Variants in PLCB1 observed in about 807,000 individuals in gnomAD.
PLCB1 encodes phospholipase C beta 1.
In PLCB1, 46 loss-of-function variants were observed where a neutral mutation model predicts 161.8. That is an observed-to-expected ratio of 0.28 (90% CI 0.22 to 0.36). The LOEUF (loss-of-function observed/expected upper bound fraction) is 0.36. PLCB1 is among the 10% of genes least tolerant of loss of function. PLCB1 has a pLI of 1.00. For synonymous variants in PLCB1, 517 were observed against 503.7 expected (o/e 1.03, Z -0.35); for missense variants, 1,016 against 1,472.5 (o/e 0.69, Z 5.07).
intron 7 of PLCB1, among the ~76,000 whole-genome samples, chr20:8,654,181 T>G (rs1989391394): frequency 6.6e-6 from 1 of 152,018 alleles, no homozygotes; most frequent in Non-Finnish European, 1.5e-5. Flanking sequence ...CCTTTTGAGA[T>G]TCCTTGTATA....
intron 3 of PLCB1, among the ~76,000 whole-genome samples, chr20:8,600,326 C>A (rs1307759675): frequency 1.0e-5 from 1 of 98,264 alleles, no homozygotes; most frequent in Non-Finnish European, 2.2e-5. Context: ...ACAGACAGGA[C>A]CCTCAGCTAC....
At chr20:8,850,910 T>C (rs1162842966) in intron 31 of PLCB1, among the ~76,000 whole-genome samples, 3 of 152,244 alleles carry the variant, frequency 2.0e-5, no homozygotes, top group Admixed American at 2.0e-4. Flanking sequence ...CTGATGCTCC[T>C]ATTCCAACCA....
chr20:8,397,374 G>A (rs936952266), intron 3 of PLCB1, among the ~76,000 whole-genome samples: 15 of 151,808 alleles, frequency 9.9e-5, no homozygotes, highest in South Asian at 4.2e-4. Flanking sequence ...TTATAGTTAC[G>A]TTCAGTTTTA....
intron 3 of PLCB1, among the ~76,000 whole-genome samples, chr20:8,417,048 C>CATAT (rs1568667905): frequency 2.3e-4 from 13 of 55,800 alleles, no homozygotes; most frequent in African/African-American, 8.1e-4. Flanking sequence ...CACACACACA[C>CATAT]ACACACATAT....
intron 2 of PLCB1, among the ~76,000 whole-genome samples, chr20:8,198,935 C>G (rs769706492): frequency 7.9e-5 from 12 of 151,208 alleles, no homozygotes; most frequent in African/African-American, 1.5e-4. Flanking sequence ...AAGACACACA[C>G]ACAGACAGAC....
chr20:8,784,550 G>A (rs1385464960), intron 27 of PLCB1, among the ~76,000 whole-genome samples: 7 of 115,184 alleles, frequency 6.1e-5, no homozygotes, highest in African/African-American at 1.6e-4. Flanking sequence ...GCAATAGAGC[G>A]ACACTGTATC....
At chr20:8,284,102 G>A (rs6516366) in intron 2 of PLCB1, among the ~76,000 whole-genome samples, 11,209 of 151,680 alleles carry the variant, frequency 0.074, 511 homozygotes, top group East Asian at 0.19. Flanking sequence ...AATTTAATAA[G>A]GGATTGAAAG....
rs747192374 is a variant in PLCB1 at position 8,708,744 on chromosome 20, T to C, written c.1242T>C (p.His414=). 31 of 1,605,692 alleles carry C rather than the reference T, an allele frequency of 1.9e-5. No homozygotes were observed. The Admixed American group carries it at 5.0e-4, about 26-fold the overall frequency. ...PFPILLSFEN[H]VDSPKQQAKM... is the part of the protein sequence containing the mutation. ...CAATTCTCCTTTCGTTTGAGAACCA[T>C]GTGGATTCGTAAGTATTCAACACAT... Residue 414 remains histidine (H), a synonymous_variant, in exon 12 of 32, where the codon CAT becomes CAC. Transcript: ENST00000338037.
At chr20:8,613,369 C>A (rs1273491611) in intron 3 of PLCB1, among the ~76,000 whole-genome samples, 2 of 152,142 alleles carry the variant, frequency 1.3e-5, no homozygotes, top group Non-Finnish European at 2.9e-5. Flanking sequence ...ATGAGTTTAA[C>A]AATGGACAAC....
chr20:8,148,799 G>A (rs916957860), intron 1 of PLCB1, among the ~76,000 whole-genome samples: 5 of 152,128 alleles, frequency 3.3e-5, no homozygotes, highest in Admixed American at 2.0e-4. Context: ...AACACAAAAG[G>A]ACAAATATTA....
intron 9 of PLCB1, among the ~76,000 whole-genome samples, chr20:8,669,799 T>G (rs1467120725): frequency 1.3e-5 from 2 of 152,198 alleles, no homozygotes; most frequent in African/African-American, 4.8e-5. Context: ...TTTAAGTAGC[T>G]CATCAGAAAG....
chr20:8,710,529 T>TC (rs1978949250), intron 12 of PLCB1, among the ~76,000 whole-genome samples: 2 of 142,224 alleles, frequency 1.4e-5, no homozygotes, highest in African/African-American at 2.6e-5. Flanking sequence ...TTTTTTTTTT[T>TC]CTGAAGCGGA....
chr20:8,873,847 T>C (rs1324294504), intron 31 of PLCB1, among the ~76,000 whole-genome samples: 1 of 152,062 alleles, frequency 6.6e-6, no homozygotes, highest in Non-Finnish European at 1.5e-5. Context: ...GTTTTTGCTG[T>C]TTCTTGGCTT....
intron 3 of PLCB1, among the ~76,000 whole-genome samples, chr20:8,610,124 A>G (rs2123168655): frequency 6.6e-6 from 1 of 152,284 alleles, no homozygotes; most frequent in South Asian, 2.1e-4. Context: ...TAACTATTCT[A>G]GAAATTTCAT....
At chr20:8,659,919 G>C (rs907061553) in intron 9 of PLCB1, among the ~76,000 whole-genome samples, 1 of 149,794 alleles carries the variant, frequency 6.7e-6, no homozygotes, top group Non-Finnish European at 1.5e-5. Flanking sequence ...TTTAACCCAG[G>C]AGGCAGAGGT....
At chr20:8,393,297 T>C (rs551827999) in intron 3 of PLCB1, among the ~76,000 whole-genome samples, 155 of 152,288 alleles carry the variant, frequency 1.0e-3, no homozygotes, top group African/African-American at 3.7e-3. Context: ...GTATTTTTTT[T>C]TCCTCAGGTA....
chr20:8,213,711 T>G (rs73897315), intron 2 of PLCB1, among the ~76,000 whole-genome samples: 4,191 of 151,676 alleles, frequency 0.028, 206 homozygotes, highest in African/African-American at 0.092. Flanking sequence ...GTGTGTGTCT[T>G]CATAAGAGTA....
chr20:8,383,332 G>C (rs1987321894), intron 3 of PLCB1, among the ~76,000 whole-genome samples: 1 of 152,104 alleles, frequency 6.6e-6, no homozygotes, highest in Non-Finnish European at 1.5e-5. Context: ...TGTTTTGTCA[G>C]AGACTAGGAA....
At chr20:8,722,936 T>C (rs1226221162) in intron 15 of PLCB1, among the ~76,000 whole-genome samples, 2 of 152,164 alleles carry the variant, frequency 1.3e-5, no homozygotes, top group African/African-American at 2.4e-5. Context: ...GGAGGATGGC[T>C]TGAGTCCAAA....
Sources: allele counts gnomAD v4.1 joint callset (sites outside exome capture counted in the v4.1 genomes callset), GRCh38; gene constraint gnomAD v4.1.1; transcripts MANE v1.5; gene names NCBI Gene and HGNC (gene_info 2026-07-23, HGNC 2026-07-21).